Variants in PCDHGA5 observed in about 807,000 individuals in gnomAD.
PCDHGA5 encodes protocadherin gamma subfamily A, 5, also known as protocadherin gamma-A5.
In PCDHGA5, 36 loss-of-function variants were observed where a neutral mutation model predicts 56.7. The observed-to-expected ratio is 0.64, with a 90% CI of 0.49 to 0.84. The LOEUF (loss-of-function observed/expected upper bound fraction) is 0.84. Ranked by LOEUF, PCDHGA5 falls within the 40% of genes least tolerant of loss-of-function variation. PCDHGA5 has a pLI of 0.00. For synonymous variants in PCDHGA5, 563 were observed against 520.2 expected (o/e 1.08, Z -1.12); for missense variants, 1,305 against 1,201.5 (o/e 1.09, Z -1.27).
At chr5:141,400,015 G>T (rs747874428) in intron 1 of PCDHGA5, 6 of 1,612,768 alleles carry the variant, frequency 3.7e-6, no homozygotes, top group Non-Finnish European at 4.2e-6. Flanking sequence ...TGCCTTGGGC[G>T]ACAGGGACGC....
At chr5:141,494,714 C>G in intron 1 of PCDHGA5, 93 bp from the exon 2 acceptor site, 2 of 1,603,958 alleles carry the variant, frequency 1.2e-6, no homozygotes, top group East Asian at 4.5e-5. Context: ...TGTGCCCACT[C>G]CCCTCCTTCT....
chr5:141,395,070 T>G lies in PCDHGA5; in HGVS notation c.2421+28319T>G. Reference sequence around the variant, plus strand: ...GGAGGTACAGGCTTTCCTGCAGACCTATTCCCAGGAAGTCTCCCTCACCGC... The same window carrying G: ...GGAGGTACAGGCTTTCCTGCAGACCGATTCCCAGGAAGTCTCCCTCACCGC... On this transcript the variant is annotated intron_variant, in intron 1 of 3. Transcript: ENST00000518069. 1 of 1,614,158 alleles carries G rather than the reference T, an allele frequency of 6.2e-7. No homozygotes were observed. The highest frequency in any genetic ancestry group is 1.3e-5 in the African/African-American group (1 of 75,046).
At chr5:141,473,205 A>G (rs370808895) in intron 1 of PCDHGA5, among the ~76,000 whole-genome samples, 1 of 152,036 alleles carries the variant, frequency 6.6e-6, no homozygotes, top group African/African-American at 2.4e-5. Flanking sequence ...CTTCTAAAAA[A>G]TGCTTACTTC....
rs2099615088 is a variant in PCDHGA5, at chr5:141,485,526, G to A, written c.2422-9281G>A. On this transcript the variant is annotated intron_variant, in intron 1 of 3. Coordinates refer to ENST00000518069, the MANE Select transcript of PCDHGA5 (RefSeq NM_018918.3). The surrounding 1 kb of genome is among the most constrained non-coding windows in gnomAD (Gnocchi z 5.7). Reference sequence around the variant, plus strand: ...ACCGAAGGTCCTTTGGAAATGTACCGAGCAGAGGTAGAGATCGTAGATGTG... The same window carrying A: ...ACCGAAGGTCCTTTGGAAATGTACCAAGCAGAGGTAGAGATCGTAGATGTG... 6.2e-7 allele frequency: 1 copy of A among 1,614,154 alleles called. No individual in the cohort carries two copies. The highest frequency in any genetic ancestry group is 2.2e-5 in the East Asian group (1 of 44,880).
At chr5:141,415,259 T>A (rs778452630) in intron 1 of PCDHGA5, 5 of 1,614,226 alleles carry the variant, frequency 3.1e-6, no homozygotes, top group Admixed American at 1.7e-5. Flanking sequence ...GACCTCACTC[T>A]GTACCTGGTG....
rs138070043 is a variant in PCDHGA5, at chr5:141,512,950, AAAT to A, written c.*1783_*1785del. 5,271 of 152,332 alleles carry A rather than the reference AAAT, an allele frequency of 0.035. 119 individuals carry two copies. The highest frequency in any genetic ancestry group is 0.075 in the South Asian group (360 of 4,826). The allele number at this position is 152,332 out of a possible 1,614,324, so 9.4% of individuals were successfully genotyped here. On this transcript the variant is annotated 3_prime_UTR_variant, in exon 4 of 4. Coordinates refer to ENST00000518069, the MANE Select transcript of PCDHGA5 (RefSeq NM_018918.3). ...ATATGGCTTTTTTTCTTCGACAAAA[AAAT>A]AATAAAACGTTTCTTCTGAAAAGCT...
rs558944208 is a variant in PCDHGA5, at chr5:141,478,187, A to G, written c.2422-16620A>G. On this transcript the variant is annotated intron_variant, in intron 1 of 3. Coordinates refer to ENST00000518069, the MANE Select transcript of PCDHGA5 (RefSeq NM_018918.3). ...CCCCCGGGAGCAGAAAAAAAATCTC[A>G]CCTTTTATCTACTTCTTTCTCTAAT... is the stretch of plus-strand genomic sequence containing the variant. The G allele has an allele frequency of 2.9e-5, 46 of 1,613,548 alleles. No individual in the cohort carries two copies. The highest frequency in any genetic ancestry group is 3.9e-5 in the Non-Finnish European group (46 of 1,179,954).
In PCDHGA5 at chr5:141,511,335, A is replaced by T; in HGVS notation, c.*162A>T. 7.0e-7 allele frequency: 1 copy of T among 1,438,820 alleles called. No homozygotes were observed. The highest frequency in any genetic ancestry group is 9.2e-7 in the Non-Finnish European group (1 of 1,083,596). The allele number at this position is 1,438,820 out of a possible 1,614,324, so 89.1% of individuals were successfully genotyped here. A position where few individuals can be genotyped will look rare whatever the true frequency, so the allele number is the denominator to read the frequency against. On this transcript the variant is annotated 3_prime_UTR_variant, in exon 4 of 4. Coordinates refer to ENST00000518069, the MANE Select transcript of PCDHGA5 (RefSeq NM_018918.3). ...AAACAGAAACAAGTGCCCAGTCAGC[A>T]CCTACCCCTTCCCCCCCAGGGGGTT...
At chr5:141,410,393 C>G in intron 1 of PCDHGA5, 3 of 1,614,046 alleles carry the variant, frequency 1.9e-6, no homozygotes, top group Non-Finnish European at 2.5e-6. Flanking sequence ...CCATCCTGGT[C>G]TCTGTGTCAA....
At position 141,489,072 on chromosome 5, in the gene PCDHGA5, A is replaced by AC; in HGVS notation, c.2422-5730dup. The AC allele has an allele frequency of 1.3e-5, 2 of 157,710 alleles. No homozygotes were observed. Among genetic ancestry groups the AC allele is most frequent in the Non-Finnish European group, 1.2e-5 (1 of 83,996 alleles). 9.8% of individuals were successfully genotyped at this position (157,710 alleles called of 1,614,324 possible). A position where few individuals can be genotyped will look rare whatever the true frequency, so the allele number is the denominator to read the frequency against. On this transcript the variant is annotated intron_variant, in intron 1 of 3. Transcript: ENST00000518069. This position sits in a 1 kb window ranked among gnomAD's most constrained non-coding sequence, Gnocchi z 4.5. The stretch of plus-strand genomic sequence containing the variant: ...AATTCAGCTCCCCTCCCCCCTGCCC[A>AC]CCCCCGCCACTCGGTGACTAAGAAC...
intron 1 of PCDHGA5, chr5:141,399,754 A>G: frequency 6.2e-7 from 1 of 1,613,326 alleles, no homozygotes; most frequent in Non-Finnish European, 8.5e-7. Flanking sequence ...CGCAAACGTG[A>G]GCCTGCGCGT....
intron 1 of PCDHGA5, 87 bp downstream of exon 1, chr5:141,366,838 T>G: frequency 6.7e-7 from 1 of 1,503,394 alleles, no homozygotes; most frequent in Non-Finnish European, 8.9e-7. Context: ...ATCAGCTAGT[T>G]ATGTAAATAG....
Position 141,364,561 on chromosome 5 carries a change from G to A in PCDHGA5, c.231G>A (p.Leu77=), listed in dbSNP as rs1763407213. ...VSRGRTQLFA[L]NPRSGSLVTA... ...GAGGTAGGACGCAGCTTTTTGCCCTGAACCCGCGAAGCGGCAGCTTGGTCA... is the reference window on the plus strand; with the variant it reads ...GAGGTAGGACGCAGCTTTTTGCCCTAAACCCGCGAAGCGGCAGCTTGGTCA... The change falls in exon 1 of 4, where the codon CTG becomes CTA. Residue 77 remains leucine, a synonymous_variant. Coordinates refer to ENST00000518069, the MANE Select transcript of PCDHGA5 (RefSeq NM_018918.3). 1 of 1,614,078 alleles carries A rather than the reference G, an allele frequency of 6.2e-7. No homozygotes were observed.
At position 141,419,169 on chromosome 5, in the gene PCDHGA5, C is replaced by T. The variant is rs746258255; in HGVS notation, c.2421+52418C>T. 73 of 1,613,970 alleles carry T rather than the reference C, an allele frequency of 4.5e-5. No homozygotes were observed. The highest frequency in any genetic ancestry group is 3.3e-4 in the Middle Eastern group (2 of 6,062). The stretch of plus-strand genomic sequence containing the variant: ...AAGCCTCCGTTATCCTCCAGCAAAA[C>T]CATAACCCTGCACATTACTGACGTC... On this transcript the variant is annotated intron_variant, in intron 1 of 3. Coordinates refer to ENST00000518069, the MANE Select transcript of PCDHGA5 (RefSeq NM_018918.3).
intron 1 of PCDHGA5, 134 bp from the exon 2 acceptor site, chr5:141,494,673 C>G: frequency 4.5e-6 from 7 of 1,542,992 alleles, no homozygotes; most frequent in Non-Finnish European, 6.1e-6. Flanking sequence ...GATGAGTCCA[C>G]CCCTGCCCCC....
In PCDHGA5 at chr5:141,375,407, G is replaced by A. The variant is rs192651675; in HGVS notation, c.2421+8656G>A. 5.6e-6 allele frequency: 9 copies of A among 1,613,974 alleles called. No individual in the cohort carries two copies. The Admixed American group carries it at 1.5e-4, about 27-fold the overall frequency. ...TACAGAAACAATCATCTCTCTAAAT[G>A]TGGCAGACACCAACGACAACCCGCC... On this transcript the variant is annotated intron_variant, in intron 1 of 3. Transcript: ENST00000518069.
At chr5:141,397,507 T>C (rs2093532297) in intron 1 of PCDHGA5, among the ~76,000 whole-genome samples, 1 of 152,222 alleles carries the variant, frequency 6.6e-6, no homozygotes, top group Non-Finnish European at 1.5e-5. Flanking sequence ...GATAAAATTG[T>C]TTCCATAGCT....
At chr5:141,497,465 G>A (rs189158903) in intron 2 of PCDHGA5, among the ~76,000 whole-genome samples, 1 of 152,024 alleles carries the variant, frequency 6.6e-6, no homozygotes, top group East Asian at 1.9e-4. Flanking sequence ...TTGGAGATAT[G>A]GAGGAGAAGG....
chr5:141,413,889 T>C (rs1394681178), intron 1 of PCDHGA5: 4 of 1,613,392 alleles, frequency 2.5e-6, no homozygotes, highest in Non-Finnish European at 3.4e-6. Flanking sequence ...CTGTCTTCGA[T>C]GCAAATGACA....
Sources: gnomAD v4.1 joint callset for allele counts (sites outside exome capture counted in the v4.1 genomes callset) on GRCh38, gnomAD v4.1.1 for gene constraint, Gnocchi (gnomAD v3.1) non-coding constraint, MANE v1.5 for transcripts, NCBI Gene and HGNC (gene_info 2026-07-23, HGNC 2026-07-21) for gene names.